GPR142: variants seen among roughly 807,000 people sequenced by gnomAD.
The protein encoded by GPR142 is G-protein coupled receptor 142 long form.
Under a neutral mutation model 10.6 loss-of-function variants are expected in GPR142, and 9 were observed. The ratio of observed to expected loss-of-function variants is 0.85; its 90% CI spans 0.51 to 1.48. GPR142 has a LOEUF of 1.48. Ranked by LOEUF, GPR142 falls within the 40% of genes most tolerant of loss-of-function variation. The probability of loss-of-function intolerance (pLI) is 0.00; values close to 1 mark genes in which losing one functional copy is unlikely to be tolerated. For missense variants in GPR142, 482 were observed against 506.0 expected, an observed-to-expected ratio of 0.95 and a Z score of 0.45; for synonymous variants, 202 against 221.2, an observed-to-expected ratio of 0.91 and a Z score of 0.77.
Position 74,370,439 on chromosome 17 carries a change from G to A in GPR142, c.95-82G>A. On this transcript the variant is annotated intron_variant, in intron 2 of 3. Transcript: ENST00000582579. ...CTGCACAGAGCAGGGTGACTAGAAA[G>A]ACCCCAGGTCAGGGCGGGGCTGCGC... The A allele has an allele frequency of 7.6e-6, 11 of 1,442,030 alleles. No individual in the cohort carries two copies. In the South Asian group the frequency reaches 1.5e-4, roughly 20 times the overall value. The allele number at this position is 1,442,030 out of a possible 1,614,324, so 89.3% of individuals were successfully genotyped here. A position where few individuals can be genotyped will look rare whatever the true frequency, so the allele number is the denominator to read the frequency against.
chr17:74,371,823 C>T lies in GPR142; in HGVS notation c.348C>T (p.Ile116=), dbSNP rs2055028681. ...YYLLALTASD[I]IIQVVIVFAG... is the part of the protein sequence containing the mutation. Reference sequence around the variant, plus strand: ...TTCTGGCGCTCACAGCCTCGGATATCATCATCCAGGTGGTCATCGTGTTCG... The same window carrying T: ...TTCTGGCGCTCACAGCCTCGGATATTATCATCCAGGTGGTCATCGTGTTCG... Residue 116 remains isoleucine (I), a synonymous_variant, in exon 4 of 4, where the codon ATC becomes ATT. Transcript: ENST00000582579. The T allele has an allele frequency of 1.2e-6, 2 of 1,613,648 alleles. No homozygotes were observed. Among genetic ancestry groups the T allele is most frequent in the Non-Finnish European group, 1.7e-6 (2 of 1,180,036 alleles).
chr17:74,369,841 G>A (rs2055009677), intron 2 of GPR142, among the ~76,000 whole-genome samples: 1 of 152,234 alleles, frequency 6.6e-6, no homozygotes, highest in Admixed American at 6.5e-5. Context: ...ACAGGGGCCA[G>A]AGTGGACGGT....
At chr17:74,367,972 GTGTACAT>G (rs1249522301) in intron 1 of GPR142, among the ~76,000 whole-genome samples, 178 bp downstream of exon 1, 1 of 152,166 alleles carries the variant, frequency 6.6e-6, no homozygotes, top group East Asian at 1.9e-4. Flanking sequence ...TTCCAGTCAA[GTGTACAT>G]CCCTCAAAGA....
intron 3 of GPR142, among the ~76,000 whole-genome samples, chr17:74,371,218 A>G (rs2055022237): frequency 7.1e-6 from 1 of 141,250 alleles, no homozygotes; most frequent in South Asian, 2.2e-4. Context: ...GTGCAGTGGC[A>G]TGATCTCGGC....
rs1185527295 is a variant in GPR142 at position 74,372,396 on chromosome 17, C to T, written c.921C>T (p.Ala307=). Residue 307 remains alanine, a synonymous_variant, in exon 4 of 4, where the codon GCC becomes GCT. Transcript: ENST00000582579. ...ACCGGGACTGGAGGGTCCACCTGGC[C>T]TTGGATGTGGCCAATATGGTGGCCA... The part of the protein sequence containing the change: ...PVHRDWRVHL[A]LDVANMVAML... The T allele has an allele frequency of 1.9e-6, 3 of 1,613,990 alleles. No homozygotes were observed. Among genetic ancestry groups the T allele is most frequent in the Non-Finnish European group, 1.7e-6 (2 of 1,179,962 alleles).
chr17:74,369,260 A>G (rs892377012), intron 1 of GPR142, among the ~76,000 whole-genome samples: 2 of 150,700 alleles, frequency 1.3e-5, no homozygotes, highest in African/African-American at 4.9e-5. Context: ...CTGCTCCCCC[A>G]GGCATAGACA....
intron 3 of GPR142, 53 bp from the exon 4 acceptor site, chr17:74,371,676 A>C: frequency 6.5e-7 from 1 of 1,531,730 alleles, no homozygotes; most frequent in Non-Finnish European, 8.8e-7. Context: ...TGGAAAGCAG[A>C]GTCTGAGCTC....
At position 74,372,326 on chromosome 17, in the gene GPR142, C is replaced by T; in HGVS notation, c.851C>T (p.Pro284Leu). Residue 284 changes from proline (P) to leucine (L), a missense_variant, in exon 4 of 4, where the codon CCC becomes CTC. Coordinates refer to ENST00000582579, the MANE Select transcript of GPR142 (RefSeq NM_001331076.1). ...ITTLFTLLWA[P>L]RVFVMLYHMY... ...ACACTGTTCACCCTCCTGTGGGCGC[C>T]CCGGGTCTTCGTCATGCTCTACCAC... The T allele has an allele frequency of 6.2e-7, 1 of 1,613,950 alleles. No homozygotes were observed. Among genetic ancestry groups the T allele is most frequent in the Middle Eastern group, 1.6e-4 (1 of 6,062 alleles).
intron 2 of GPR142, 65 bp from the exon 3 acceptor site, chr17:74,370,456 G>A (rs201044937): frequency 1.4e-4 from 216 of 1,530,472 alleles, no homozygotes; most frequent in Admixed American, 5.1e-4. Flanking sequence ...GGTCAGGGCG[G>A]GGCTGCGCCC....
intron 2 of GPR142, 88 bp downstream of exon 2, chr17:74,369,722 G>A: frequency 7.4e-7 from 1 of 1,360,382 alleles, no homozygotes; most frequent in Non-Finnish European, 9.8e-7. Flanking sequence ...CTAGAGGGTG[G>A]AGTAGGGGCC....
chr17:74,371,623 C>G, intron 3 of GPR142, 106 bp from the exon 4 acceptor site: 2 of 1,185,594 alleles, frequency 1.7e-6, no homozygotes, highest in East Asian at 4.9e-5. Flanking sequence ...GAAGCCAGCG[C>G]AGCCTCTGCA....
chr17:74,367,915 C>A lies in GPR142; in HGVS notation c.-74+121C>A, dbSNP rs1018398342. On this transcript the variant is annotated intron_variant, in intron 1 of 3. Transcript: ENST00000582579. Reference sequence around the variant, plus strand: ...CTAGTTTTCTGTGTAGCCTGTGTGACAGCCTTGGTTGAAACCCTTGTGTTC... The same window carrying A: ...CTAGTTTTCTGTGTAGCCTGTGTGAAAGCCTTGGTTGAAACCCTTGTGTTC... 6.3e-6 allele frequency: 6 copies of A among 952,740 alleles called. No homozygotes were observed. The African/African-American group carries it at 6.6e-5, about 11-fold the overall frequency. The allele number at this position is 952,740 out of a possible 1,614,324, so 59.0% of individuals were successfully genotyped here.
chr17:74,367,561 T>G lies in GPR142; in HGVS notation c.-307T>G, dbSNP rs2054989989. On this transcript the variant is annotated 5_prime_UTR_variant, in exon 1 of 4. Transcript: ENST00000582579. ...AAGATCCAGTGGGTCCCCACTTCCC[T>G]GCAGGACATCACTGCTGTCCTGGGT... 6.2e-7 allele frequency: 1 copy of G among 1,613,662 alleles called. No homozygotes were observed. The highest frequency in any genetic ancestry group is 1.3e-5 in the African/African-American group (1 of 74,910).
rs1315911241 is a variant in GPR142 at position 74,370,450 on chromosome 17, AGG to A, written c.95-69_95-68del. The A allele has an allele frequency of 2.0e-6, 3 of 1,475,378 alleles. No homozygotes were observed. In the African/African-American group the frequency reaches 4.2e-5, roughly 21 times the overall value. 91.4% of individuals were successfully genotyped at this position (1,475,378 alleles called of 1,614,324 possible). On this transcript the variant is annotated intron_variant, in intron 2 of 3. Transcript: ENST00000582579. ...AGGGTGACTAGAAAGACCCCAGGTCAGGGCGGGGCTGCGCCCAGCCAGGTTAG... is the reference window on the plus strand; with the variant it reads ...AGGGTGACTAGAAAGACCCCAGGTCAGCGGGGCTGCGCCCAGCCAGGTTAG...
Position 74,367,664 on chromosome 17 carries a change from C to T in GPR142, c.-204C>T. The T allele has an allele frequency of 1.2e-6, 2 of 1,614,148 alleles. No individual in the cohort carries two copies. Among genetic ancestry groups the T allele is most frequent in the Non-Finnish European group, 1.7e-6 (2 of 1,180,018 alleles). ...GCCAGCATTCTTGTCTCAGCCATTC[C>T]AGGTGGCTGAGGTCTCCACAGGTCA... On this transcript the variant is annotated 5_prime_UTR_variant, in exon 1 of 4. Transcript: ENST00000582579.
rs2054991494 is a variant in GPR142 at position 74,367,729 on chromosome 17, A to G, written c.-139A>G. ...GACCTCCGAATAAGGCCATCCAAGG[A>G]CTCCAGCAGTTTCCGCCAGGTGAAT... On this transcript the variant is annotated 5_prime_UTR_variant, in exon 1 of 4. Coordinates refer to ENST00000582579, the MANE Select transcript of GPR142 (RefSeq NM_001331076.1). 1.9e-6 allele frequency: 3 copies of G among 1,613,662 alleles called. No homozygotes were observed. In the South Asian group the frequency reaches 3.3e-5, roughly 18 times the overall value.
At chr17:74,370,190 G>GT (rs2055012254) in intron 2 of GPR142, among the ~76,000 whole-genome samples, 2 of 77,448 alleles carry the variant, frequency 2.6e-5, no homozygotes, top group Non-Finnish European at 5.9e-5. Context: ...CTCGACAAGT[G>GT]CCCCCTGTTT....
At position 74,371,723 on chromosome 17, in the gene GPR142, C is replaced by G; in HGVS notation, c.254-6C>G. 1 of 1,590,446 alleles carries G rather than the reference C, an allele frequency of 6.3e-7. No individual in the cohort carries two copies. Among genetic ancestry groups the G allele is most frequent in the Non-Finnish European group, 8.6e-7 (1 of 1,167,596 alleles). On this transcript the variant is annotated splice_polypyrimidine_tract_variant and splice_region_variant and intron_variant, in intron 3 of 3. Coordinates refer to ENST00000582579, the MANE Select transcript of GPR142 (RefSeq NM_001331076.1). ...CTCTCCCCTCCCTCACCTCGGCTGC[C>G]CTCAGTCAGCCTCCTGACCGCAGTG...
In GPR142 at chr17:74,372,227, G is replaced by A. The variant is rs749469302; in HGVS notation, c.752G>A (p.Arg251Gln). 1.1e-4 allele frequency: 176 copies of A among 1,613,920 alleles called. No homozygotes were observed. The highest frequency in any genetic ancestry group is 4.8e-4 in the Admixed American group (29 of 60,026). The change falls in exon 4 of 4, where the codon CGG becomes CAG. Residue 251 changes from arginine to glutamine, a missense_variant. Transcript: ENST00000582579. ...GTCACCAACTCGGCCATCATCCACC[G>A]GCTACGGAGGAGGGGCCGGAGTGGG... is the stretch of plus-strand genomic sequence containing the variant. ...FLVTNSAIIH[R>Q]LRRRGRSGLQ... is the part of the protein sequence containing the mutation.
Sources: gnomAD v4.1 joint callset for allele counts (sites outside exome capture counted in the v4.1 genomes callset) on GRCh38, gnomAD v4.1.1 for gene constraint, MANE v1.5 for transcripts, NCBI Gene and HGNC (gene_info 2026-07-23, HGNC 2026-07-21) for gene names.